Variants in JARID2 observed in about 807,000 individuals in gnomAD.
JARID2 encodes the protein jumonji and AT-rich interaction domain containing 2.
JARID2 carries 21 observed loss-of-function variants against 125.6 expected under a neutral mutation model. The observed-to-expected ratio is 0.17, with a 90% CI of 0.12 to 0.24. JARID2 has a LOEUF of 0.24. Ranked by LOEUF, JARID2 falls within the 10% of genes least tolerant of loss-of-function variation. The probability of loss-of-function intolerance (pLI) is 1.00; values close to 1 mark genes in which losing one functional copy is unlikely to be tolerated. For synonymous variants in JARID2, 736 were observed against 661.6 expected (o/e 1.11, Z -1.73); for missense variants, 1,303 against 1,639.6 (o/e 0.79, Z 3.55).
chr6:15,247,997 C>T, intron 1 of JARID2: 3 of 985,402 alleles, frequency 3.0e-6, no homozygotes, highest in South Asian at 4.7e-5. Flanking sequence ...TGGGGTAGAA[C>T]TTGGACGAGA....
At chr6:15,324,024 T>C (rs775749729) in intron 1 of JARID2, among the ~76,000 whole-genome samples, 8 of 145,062 alleles carry the variant, frequency 5.5e-5, no homozygotes, top group Non-Finnish European at 1.2e-4. Flanking sequence ...CTACTAAAAA[T>C]ACAAAAAATT....
rs551597807 is a variant in JARID2 at position 15,425,307 on chromosome 6, G to A, written c.323+14942G>A. On this transcript the variant is annotated intron_variant, in intron 3 of 17. Transcript: ENST00000341776. Reference sequence around the variant, plus strand: ...TAGGTGCTAATTTGTAAATGAAAACGCATGCTAATAGTTTTCTCAGGTGCT... The same window carrying A: ...TAGGTGCTAATTTGTAAATGAAAACACATGCTAATAGTTTTCTCAGGTGCT... 2.3e-4 allele frequency among the ~76,000 whole-genome samples: 35 copies of A among 152,282 alleles called. 2 individuals are homozygous for A. The South Asian group carries it at 6.4e-3, about 28-fold the overall frequency.
At chr6:15,249,048 G>T (rs1759326733) in intron 1 of JARID2, 2 of 695,808 alleles carry the variant, frequency 2.9e-6, no homozygotes, top group Non-Finnish European at 3.5e-6. Flanking sequence ...GAGCGGGGAG[G>T]AGGCGCCTCC....
chr6:15,256,195 C>T (rs117777311), intron 1 of JARID2, among the ~76,000 whole-genome samples: 2 of 152,220 alleles, frequency 1.3e-5, no homozygotes, highest in Non-Finnish European at 2.9e-5. Flanking sequence ...GCCTTCCTAG[C>T]TGACTCAGAT....
intron 3 of JARID2, among the ~76,000 whole-genome samples, chr6:15,414,444 C>G (rs1396112734): frequency 6.6e-6 from 1 of 152,166 alleles, no homozygotes; most frequent in Non-Finnish European, 1.5e-5. Flanking sequence ...CCAGTGGAGT[C>G]CAGAGTTCTT....
chr6:15,327,565 G>GTGTGCA (rs1762575289), intron 1 of JARID2, among the ~76,000 whole-genome samples: 1 of 151,974 alleles, frequency 6.6e-6, no homozygotes, highest in Non-Finnish European at 1.5e-5. Context: ...GTGTGTGTGC[G>GTGTGCA]TGTGCATGTG....
At chr6:15,296,786 T>C (rs1761432705) in intron 1 of JARID2, among the ~76,000 whole-genome samples, 1 of 152,238 alleles carries the variant, frequency 6.6e-6, no homozygotes, top group Non-Finnish European at 1.5e-5. Context: ...CATTAAGGTG[T>C]TGTAGGCTCA....
intron 2 of JARID2, among the ~76,000 whole-genome samples, chr6:15,400,499 G>A (rs991882645): frequency 6.6e-6 from 1 of 152,046 alleles, no homozygotes; most frequent in East Asian, 1.9e-4. Flanking sequence ...CTTGGCAATG[G>A]GGTGGGGGCA....
rs139447920 is a variant in JARID2 at position 15,390,818 on chromosome 6, T to A, written c.181+16566T>A. Among the ~76,000 whole-genome samples, 34 of 152,248 alleles carry A rather than the reference T, an allele frequency of 2.2e-4. No individual in the cohort carries two copies. In the East Asian group the frequency reaches 4.3e-3, roughly 19 times the overall value. ...AGTCCTCCAGCTCTGCTAGTGGAAA[T>A]TGTTGAAGGATCACACTGTCATCCC... On this transcript the variant is annotated intron_variant, in intron 2 of 17. Coordinates refer to ENST00000341776, the MANE Select transcript of JARID2 (RefSeq NM_004973.4).
At chr6:15,358,187 A>C (rs956693741) in intron 1 of JARID2, among the ~76,000 whole-genome samples, 5 of 152,164 alleles carry the variant, frequency 3.3e-5, no homozygotes, top group African/African-American at 1.2e-4. Context: ...AGCTTTAAAA[A>C]ATTTTTTGTT....
chr6:15,338,847 T>G (rs1762969673), intron 1 of JARID2, among the ~76,000 whole-genome samples: 1 of 152,202 alleles, frequency 6.6e-6, no homozygotes. Context: ...TAAAGCAAAT[T>G]AAGGAGGATC....
chr6:15,461,415 C>G (rs1768442989), intron 4 of JARID2, among the ~76,000 whole-genome samples: 1 of 152,142 alleles, frequency 6.6e-6, no homozygotes, highest in Non-Finnish European at 1.5e-5. Flanking sequence ...CTTGTTTGCA[C>G]TAGTTCTTGA....
intron 1 of JARID2, among the ~76,000 whole-genome samples, chr6:15,323,973 C>G (rs530667906): frequency 2.9e-4 from 44 of 151,556 alleles, no homozygotes; most frequent in Non-Finnish European, 5.0e-4. Flanking sequence ...ACAAGGTCAG[C>G]AGATCGAGAC....
intron 1 of JARID2, among the ~76,000 whole-genome samples, chr6:15,372,505 G>A (rs541309585): frequency 8.6e-5 from 13 of 151,928 alleles, no homozygotes; most frequent in South Asian, 2.1e-4. Context: ...GACTACAGGC[G>A]TGCACCACCA....
chr6:15,254,123 T>G lies in JARID2; in HGVS notation c.45+7539T>G, dbSNP rs1003252890. On this transcript the variant is annotated intron_variant, in intron 1 of 17. Transcript: ENST00000341776. ...CTGCATGTTTGTATTTGTTGTTTTT[T>G]GAAGAACCAGTTGGTGGAGCTACCC... Among the ~76,000 whole-genome samples the G allele has an allele frequency of 1.2e-4, 19 of 152,332 alleles. No homozygotes were observed. In the East Asian group the frequency reaches 3.7e-3, roughly 29 times the overall value.
At chr6:15,247,135 A>T (rs759258199) in intron 1 of JARID2, among the ~76,000 whole-genome samples, 3 of 152,198 alleles carry the variant, frequency 2.0e-5, no homozygotes, top group Non-Finnish European at 4.4e-5. Flanking sequence ...ATCATGTTAC[A>T]GCGAATGCAT....
intron 1 of JARID2, among the ~76,000 whole-genome samples, chr6:15,348,701 C>T (rs1763329245): frequency 6.6e-6 from 1 of 152,152 alleles, no homozygotes; most frequent in South Asian, 2.1e-4. Context: ...TTCGCTGAAA[C>T]CATACAGGTA....
At chr6:15,255,806 C>G (rs1478018771) in intron 1 of JARID2, among the ~76,000 whole-genome samples, 4 of 152,160 alleles carry the variant, frequency 2.6e-5, no homozygotes, top group Admixed American at 2.6e-4. Flanking sequence ...TTCTGTTAAG[C>G]AGCAGACTTT....
intron 1 of JARID2, among the ~76,000 whole-genome samples, chr6:15,365,889 T>A (rs1395568550): frequency 6.6e-6 from 1 of 152,184 alleles, no homozygotes; most frequent in Non-Finnish European, 1.5e-5. Flanking sequence ...TACTCAGGCT[T>A]CACTTTATTT....
Sources: gnomAD v4.1 joint callset for allele counts (sites outside exome capture counted in the v4.1 genomes callset) on GRCh38, gnomAD v4.1.1 for gene constraint, MANE v1.5 for transcripts, NCBI Gene and HGNC (gene_info 2026-07-23, HGNC 2026-07-21) for gene names.